The following LYPLAL1 variants were observed in gnomAD, a reference collection of about 807,000 sequenced individuals.
The protein encoded by LYPLAL1 is lysophospholipase like 1, also known as lysophospholipase-like protein 1.
Under a neutral mutation model 19.7 loss-of-function variants are expected in LYPLAL1, and 23 were observed. The observed-to-expected ratio is 1.17, with a 90% CI of 0.84 to 1.65. The LOEUF is 1.65. Among genes scored for constraint, LYPLAL1 ranks in the 40% most tolerant of loss-of-function variants. LYPLAL1 has a pLI of 0.00. For missense variants in LYPLAL1, 355 were observed against 279.4 expected (o/e 1.27, Z -1.93); for synonymous variants, 119 against 96.3 (o/e 1.24, Z -1.38).
the LYPLAL1 span, among the ~76,000 whole-genome samples, chr1:219,335,258 AT>A: frequency 6.6e-6 from 1 of 151,882 alleles, no homozygotes; most frequent in Non-Finnish European, 1.5e-5. Context: ...GTTCACACTC[AT>A]TTCATTGGTT....
the LYPLAL1 span, among the ~76,000 whole-genome samples, chr1:219,294,546 G>T: frequency 6.6e-6 from 1 of 152,158 alleles, no homozygotes; most frequent in South Asian, 2.1e-4. Flanking sequence ...TCTAGTCATT[G>T]CTCCCCAAAT....
In LYPLAL1 at chr1:219,211,480, C is replaced by T. The variant is rs753267112; in HGVS notation, c.478-12C>T. ...TTCTTAAACTTTTCTGTCTTTGTAT[C>T]TTCTTCTCTAGGCTCTTCAGAAGAG... On this transcript the variant is annotated splice_polypyrimidine_tract_variant and intron_variant, in intron 4 of 4. Transcript: ENST00000366928. 4.0e-6 allele frequency: 6 copies of T among 1,494,744 alleles called. No individual in the cohort carries two copies. The South Asian group carries it at 7.3e-5, about 18-fold the overall frequency. The allele number at this position is 1,494,744 out of a possible 1,614,324, so 92.6% of individuals were successfully genotyped here.
chr1:219,305,148 G>A, the LYPLAL1 span, among the ~76,000 whole-genome samples: 1 of 152,078 alleles, frequency 6.6e-6, no homozygotes, highest in Non-Finnish European at 1.5e-5. Context: ...ATTAGGAATG[G>A]GAAGGACCAG....
At chr1:219,214,176 G>A (rs1355966816), downstream of LYPLAL1, among the ~76,000 whole-genome samples, 4 of 152,002 alleles carry the variant, frequency 2.6e-5, no homozygotes, top group Non-Finnish European at 5.9e-5. Flanking sequence ...CTGTTACTGT[G>A]GTGCTCAATT....
the LYPLAL1 span, among the ~76,000 whole-genome samples, chr1:219,325,216 T>C: frequency 6.6e-6 from 1 of 152,218 alleles, no homozygotes; most frequent in East Asian, 1.9e-4. Flanking sequence ...CTTTAATTAC[T>C]CACCTCTTTC....
chr1:219,376,701 A>G, the LYPLAL1 span, among the ~76,000 whole-genome samples: 1 of 152,246 alleles, frequency 6.6e-6, no homozygotes, highest in Non-Finnish European at 1.5e-5. Context: ...GTCAATAAGC[A>G]CATAAAAAGG....
chr1:219,191,153 C>T (rs1156934943), intron 2 of LYPLAL1, among the ~76,000 whole-genome samples: 1 of 151,540 alleles, frequency 6.6e-6, no homozygotes, highest in Non-Finnish European at 1.5e-5. Flanking sequence ...ATTTTCCTAC[C>T]TTTCCTGTAG....
the LYPLAL1 span, among the ~76,000 whole-genome samples, chr1:219,281,069 CA>C: frequency 6.6e-6 from 1 of 151,970 alleles, no homozygotes; most frequent in African/African-American, 2.4e-5. Context: ...AATAAGTAGA[CA>C]GATAATAAAG....
At chr1:219,387,371 G>T in the LYPLAL1 span, among the ~76,000 whole-genome samples, 1 of 152,146 alleles carries the variant, frequency 6.6e-6, no homozygotes, top group African/African-American at 2.4e-5. Flanking sequence ...AAAGACTCTT[G>T]CCCAGAGAGG....
At chr1:219,218,936 G>A in the LYPLAL1 span, among the ~76,000 whole-genome samples, 1 of 152,190 alleles carries the variant, frequency 6.6e-6, no homozygotes, top group East Asian at 1.9e-4. Flanking sequence ...TTAAGGGTGT[G>A]CATTAGGAGG....
At chr1:219,276,874 A>G in the LYPLAL1 span, among the ~76,000 whole-genome samples, 1 of 152,134 alleles carries the variant, frequency 6.6e-6, no homozygotes, top group East Asian at 1.9e-4. Context: ...AGAAATTGAG[A>G]TGTTTCACCC....
At chr1:219,278,769 G>T in the LYPLAL1 span, among the ~76,000 whole-genome samples, 1 of 152,098 alleles carries the variant, frequency 6.6e-6, no homozygotes, top group Non-Finnish European at 1.5e-5. Context: ...TTGCCTTTTG[G>T]CCTAGGACTG....
chr1:219,274,092 G>A, the LYPLAL1 span, among the ~76,000 whole-genome samples: 1 of 152,172 alleles, frequency 6.6e-6, no homozygotes, highest in African/African-American at 2.4e-5. Flanking sequence ...TGCTGATGGC[G>A]TAGCTGTAAA....
At chr1:219,387,690 T>G in the LYPLAL1 span, among the ~76,000 whole-genome samples, 5 of 152,318 alleles carry the variant, frequency 3.3e-5, no homozygotes, top group South Asian at 2.1e-4. Context: ...TGGAAAAAAT[T>G]CACAGATGCT....
chr1:219,270,571 C>T, the LYPLAL1 span, among the ~76,000 whole-genome samples: 2 of 152,182 alleles, frequency 1.3e-5, no homozygotes, highest in Admixed American at 1.3e-4. Flanking sequence ...GCCACATTGC[C>T]TGGTTTTCTA....
the LYPLAL1 span, among the ~76,000 whole-genome samples, chr1:219,444,291 T>C: frequency 5.3e-4 from 80 of 152,300 alleles, no homozygotes; most frequent in Middle Eastern, 3.4e-3. Context: ...TTCATAACTT[T>C]TCCAAACAAC....
At chr1:219,443,254 G>T in the LYPLAL1 span, among the ~76,000 whole-genome samples, 14 of 152,164 alleles carry the variant, frequency 9.2e-5, no homozygotes, top group African/African-American at 3.4e-4. Context: ...TTTATTGAGG[G>T]TTTTATTACA....
chr1:219,315,390 C>T, the LYPLAL1 span, among the ~76,000 whole-genome samples: 2 of 151,954 alleles, frequency 1.3e-5, no homozygotes, highest in Non-Finnish European at 2.9e-5. Flanking sequence ...AATTTGACTT[C>T]CTGTTTCTAA....
chr1:219,373,412 C>G, the LYPLAL1 span, among the ~76,000 whole-genome samples: 1 of 152,124 alleles, frequency 6.6e-6, no homozygotes, highest in Non-Finnish European at 1.5e-5. Context: ...AGAAATCTAG[C>G]TCCTGCTTGC....
Sources: gnomAD v4.1 joint callset for allele counts (sites outside exome capture counted in the v4.1 genomes callset) on GRCh38, gnomAD v4.1.1 for gene constraint, MANE v1.5 for transcripts, NCBI Gene and HGNC (gene_info 2026-07-23, HGNC 2026-07-21) for gene names.